Variants in ENTREP2 observed in about 807,000 individuals in gnomAD.
ENTREP2 encodes endosomal transmembrane epsin interactor 2, also known as protein ENTREP2.
At chr15:29,525,930 A>C in the ENTREP2 span, among the ~76,000 whole-genome samples, 7 of 152,238 alleles carry the variant, frequency 4.6e-5, no homozygotes, top group African/African-American at 1.7e-4. Flanking sequence ...CCTGACATGC[A>C]CATTCTTTAG....
chr15:29,261,292 C>T, the ENTREP2 span, among the ~76,000 whole-genome samples: 1 of 152,212 alleles, frequency 6.6e-6, no homozygotes, highest in Non-Finnish European at 1.5e-5. Flanking sequence ...GAAGGAGGAT[C>T]GCTTGAGCCC....
chr15:29,479,826 G>C, the ENTREP2 span, among the ~76,000 whole-genome samples: 2 of 152,108 alleles, frequency 1.3e-5, no homozygotes, highest in African/African-American at 2.4e-5. Context: ...CTGAAGGTGA[G>C]AGAAAGGATG....
the ENTREP2 span, among the ~76,000 whole-genome samples, chr15:29,542,936 T>C: frequency 6.6e-6 from 1 of 152,216 alleles, no homozygotes; most frequent in Non-Finnish European, 1.5e-5. Flanking sequence ...TAGTATTCCA[T>C]GGTATGGAGA....
the ENTREP2 span, among the ~76,000 whole-genome samples, chr15:29,546,417 T>G: frequency 6.6e-6 from 1 of 151,372 alleles, no homozygotes; most frequent in Non-Finnish European, 1.5e-5. Context: ...GAAACCAACT[T>G]GGGAAGAAGA....
chr15:29,583,418 T>TAA, the ENTREP2 span, among the ~76,000 whole-genome samples: 1 of 152,130 alleles, frequency 6.6e-6, no homozygotes, highest in Non-Finnish European at 1.5e-5. Context: ...TGTTCTTACT[T>TAA]ACGAGTGGGA....
chr15:29,234,681 C>T, the ENTREP2 span: 3 of 1,561,738 alleles, frequency 1.9e-6, no homozygotes, highest in Non-Finnish European at 2.6e-6. Context: ...GTGTAAGGGT[C>T]ATTGGGTACA....
chr15:29,591,832 G>GAGAAGAAGAAGAAGA, the ENTREP2 span, among the ~76,000 whole-genome samples: 2,402 of 140,074 alleles, frequency 0.017, 32 homozygotes, highest in East Asian at 0.037. Context: ...CATCTCAAAA[G>GAGAAGAAGAAGAAGA]AGAAGAAGAA....
chr15:29,306,276 T>C, the ENTREP2 span, among the ~76,000 whole-genome samples: 76,999 of 152,024 alleles, frequency 0.51, 22,367 homozygotes, highest in African/African-American at 0.82. Flanking sequence ...TCTCCTGAAT[T>C]GGGCACAAGG....
At chr15:29,497,325 G>A in the ENTREP2 span, among the ~76,000 whole-genome samples, 3 of 152,122 alleles carry the variant, frequency 2.0e-5, no homozygotes, top group Non-Finnish European at 2.9e-5. Flanking sequence ...TTTTGGAAGC[G>A]TTTGAGAAGC....
chr15:29,463,321 G>GA, the ENTREP2 span, among the ~76,000 whole-genome samples: 1 of 152,040 alleles, frequency 6.6e-6, no homozygotes, highest in African/African-American at 2.4e-5. Flanking sequence ...AGTCCCTGGA[G>GA]AAAGTATCAG....
the ENTREP2 span, among the ~76,000 whole-genome samples, chr15:29,185,354 G>A: frequency 6.6e-6 from 1 of 152,046 alleles, no homozygotes; most frequent in Non-Finnish European, 1.5e-5. Flanking sequence ...TATCTTTCCT[G>A]CCTTTGCTTT....
At chr15:29,248,578 G>A in the ENTREP2 span, among the ~76,000 whole-genome samples, 2 of 151,898 alleles carry the variant, frequency 1.3e-5, no homozygotes, top group East Asian at 3.9e-4. Flanking sequence ...GCATAAACAT[G>A]AATATATGAC....
the ENTREP2 span, among the ~76,000 whole-genome samples, chr15:29,358,582 T>C: frequency 1.3e-5 from 2 of 152,202 alleles, no homozygotes; most frequent in Non-Finnish European, 1.5e-5. Flanking sequence ...GTACGTGTCA[T>C]ATATTTCATG....
At chr15:29,441,410 G>C in the ENTREP2 span, among the ~76,000 whole-genome samples, 4 of 152,086 alleles carry the variant, frequency 2.6e-5, no homozygotes, top group Admixed American at 6.5e-5. Context: ...GTCATACGAA[G>C]GTGACTAATA....
chr15:29,408,404 G>T, the ENTREP2 span, among the ~76,000 whole-genome samples: 1 of 125,316 alleles, frequency 8.0e-6, no homozygotes, highest in Non-Finnish European at 1.6e-5. Flanking sequence ...GGCTTGTAGG[G>T]GTAACAGATC....
the ENTREP2 span, among the ~76,000 whole-genome samples, chr15:29,467,810 A>G: frequency 6.6e-6 from 1 of 152,146 alleles, no homozygotes; most frequent in African/African-American, 2.4e-5. Flanking sequence ...AGCATGACTT[A>G]CCAGCCTTCA....
chr15:29,269,263 T>C, the ENTREP2 span: 4 of 1,614,174 alleles, frequency 2.5e-6, no homozygotes, highest in Non-Finnish European at 2.5e-6. Context: ...AGTGTTGCTC[T>C]TGGGTTCAAG....
At chr15:29,204,012 A>T in the ENTREP2 span, among the ~76,000 whole-genome samples, 119 of 152,360 alleles carry the variant, frequency 7.8e-4, no homozygotes, top group African/African-American at 2.7e-3. Flanking sequence ...CAGGGAATAG[A>T]CATCCAAATA....
chr15:29,293,423 A>ATT, the ENTREP2 span, among the ~76,000 whole-genome samples: 211 of 143,626 alleles, frequency 1.5e-3, no homozygotes, highest in Admixed American at 3.2e-3. Context: ...AATTTTTTGT[A>ATT]TTTTTTTTTT....
Sources: gnomAD v4.1 joint callset for allele counts (sites outside exome capture counted in the v4.1 genomes callset) on GRCh38, gnomAD v4.1.1 for gene constraint, MANE v1.5 for transcripts, NCBI Gene and HGNC (gene_info 2026-07-23, HGNC 2026-07-21) for gene names.